Variants in DAAM1 observed in about 807,000 individuals in gnomAD.
The protein encoded by DAAM1 is disheveled-associated activator of morphogenesis 1.
A neutral mutation model predicts 130.0 loss-of-function variants in DAAM1; 52 were observed. That is an observed-to-expected ratio of 0.40 (90% confidence interval 0.32 to 0.50). The LOEUF (loss-of-function observed/expected upper bound fraction) is 0.50. DAAM1 is among the 20% of genes least tolerant of loss of function. The pLI is 0.61. For missense variants in DAAM1, 1,134 were observed against 1,303.8 expected (o/e 0.87, Z 2.01); for synonymous variants, 452 against 444.5 (o/e 1.02, Z -0.21).
At chr14:59,211,951 A>C (rs191039489) in intron 1 of DAAM1, among the ~76,000 whole-genome samples, 1 of 152,318 alleles carries the variant, frequency 6.6e-6, no homozygotes, top group African/African-American at 2.4e-5. Flanking sequence ...AATTTTAAGA[A>C]ATATAAAACA....
chr14:59,263,429 C>T lies in DAAM1; in HGVS notation c.-37-12C>T. 1 of 1,606,618 alleles carries T rather than the reference C, an allele frequency of 6.2e-7. No individual in the cohort carries two copies. The highest frequency in any genetic ancestry group is 1.7e-4 in the Middle Eastern group (1 of 6,048). On this transcript the variant is annotated splice_polypyrimidine_tract_variant and intron_variant, in intron 1 of 24. Transcript: ENST00000360909. ...CCTGTACTCTTAACCATGTCATATC[C>T]TCTTTTTGCAGCGTTTAGTCACATC... is the stretch of plus-strand genomic sequence containing the variant.
intron 2 of DAAM1, among the ~76,000 whole-genome samples, chr14:59,284,851 A>C (rs997549623): frequency 2.0e-5 from 3 of 152,282 alleles, no homozygotes; most frequent in Middle Eastern, 3.4e-3. Flanking sequence ...CATTTCAGAA[A>C]GAAAAGAGAG....
chr14:59,195,780 C>T (rs1238025510), intron 1 of DAAM1, among the ~76,000 whole-genome samples: 1 of 152,082 alleles, frequency 6.6e-6, no homozygotes, highest in African/African-American at 2.4e-5. Context: ...TTGGCTAGCT[C>T]AGTTTGTTAG....
intron 3 of DAAM1, among the ~76,000 whole-genome samples, chr14:59,298,100 G>A (rs563214743): frequency 3.3e-5 from 5 of 152,196 alleles, no homozygotes; most frequent in Non-Finnish European, 7.4e-5. Context: ...AAATAAAATT[G>A]TTCTGTTTAA....
Position 59,330,531 on chromosome 14 carries a change from A to G in DAAM1, c.1403A>G (p.Lys468Arg), listed in dbSNP as rs1370462045. The change falls in exon 13 of 25, where the codon AAG (lysine) becomes AGG (arginine). Residue 468 changes from lysine to arginine, a missense_variant. By Grantham distance (26) the Lys-to-Arg change is conservative. Around this residue, in one of 3 missense-constraint regions of DAAM1, gnomAD observed 391 missense variants for 521.6 expected, o/e 0.75. Transcript: ENST00000360909. Reference sequence around the variant, plus strand: ...AATGAGCTACAACAGAAACTGGAAAAGAAAGAACGAGAATGTGATGCTAAG... The same window carrying G: ...AATGAGCTACAACAGAAACTGGAAAGGAAAGAACGAGAATGTGATGCTAAG... Reference protein sequence around the residue: ...EHNELQQKLEKKERECDAKTQ... With the variant: ...EHNELQQKLERKERECDAKTQ... 1.9e-6 allele frequency: 3 copies of G among 1,612,058 alleles called. No individual in the cohort carries two copies. In the East Asian group the frequency reaches 6.7e-5, roughly 36 times the overall value.
chr14:59,327,551 G>C (rs1885261807), intron 12 of DAAM1, among the ~76,000 whole-genome samples: 1 of 151,854 alleles, frequency 6.6e-6, no homozygotes, highest in Admixed American at 6.6e-5. Context: ...GGGACTACCG[G>C]CGCCCGCCAT....
intron 1 of DAAM1, among the ~76,000 whole-genome samples, chr14:59,194,922 A>T (rs985877959): frequency 2.0e-5 from 3 of 152,238 alleles, no homozygotes; most frequent in Admixed American, 1.3e-4. Context: ...CTTTTGGCTT[A>T]AAACTAGATA....
chr14:59,199,047 T>G (rs760950507), intron 1 of DAAM1, among the ~76,000 whole-genome samples: 2 of 152,164 alleles, frequency 1.3e-5, no homozygotes. Context: ...TGGAGATCGG[T>G]GAGGGAGAAC....
At chr14:59,352,438 C>A in intron 17 of DAAM1, 88 bp from the exon 18 acceptor site, 1 of 961,216 alleles carries the variant, frequency 1.0e-6, no homozygotes. Flanking sequence ...AACATTTTAT[C>A]TTGGGACAGA....
chr14:59,363,532 G>GT, intron 22 of DAAM1, 119 bp from the exon 23 acceptor site: 1 of 1,425,348 alleles, frequency 7.0e-7, no homozygotes. Context: ...TTTAGAACAA[G>GT]TTTTGATGTG....
intron 1 of DAAM1, among the ~76,000 whole-genome samples, chr14:59,229,260 A>G (rs1005113990): frequency 1.3e-5 from 2 of 152,120 alleles, no homozygotes; most frequent in African/African-American, 4.8e-5. Context: ...GTTAGAGGAG[A>G]TCTTCCTTGA....
chr14:59,259,208 C>T (rs1341475144), intron 1 of DAAM1, among the ~76,000 whole-genome samples: 2 of 152,126 alleles, frequency 1.3e-5, no homozygotes, highest in Non-Finnish European at 2.9e-5. Flanking sequence ...CACTAAGTGA[C>T]ATGTGCCATG....
At chr14:59,261,056 G>C (rs1882137864) in intron 1 of DAAM1, among the ~76,000 whole-genome samples, 1 of 152,196 alleles carries the variant, frequency 6.6e-6, no homozygotes, top group South Asian at 2.1e-4. Context: ...TTTTTCAGCA[G>C]GGATATGAGA....
At chr14:59,256,173 TG>T (rs1183042594) in intron 1 of DAAM1, among the ~76,000 whole-genome samples, 1 of 152,258 alleles carries the variant, frequency 6.6e-6, no homozygotes, top group Non-Finnish European at 1.5e-5. Flanking sequence ...TATTAAATAC[TG>T]ATTGTGTCTT....
At chr14:59,330,966 G>A (rs1234405977) in intron 13 of DAAM1, among the ~76,000 whole-genome samples, 1 of 152,150 alleles carries the variant, frequency 6.6e-6, no homozygotes, top group African/African-American at 2.4e-5. Context: ...CTGTGATGGT[G>A]CAAGAAGTGA....
rs1292236333 is a variant in DAAM1 at position 59,355,350 on chromosome 14, C to A, written c.2525+17C>A. On this transcript the variant is annotated intron_variant, in intron 20 of 24. Transcript: ENST00000360909. ...CATCGACAAGTAAGTATGAGATCTT[C>A]CAACACTTGGGGGAGCCAGGTGTGT... 2 of 1,612,862 alleles carry A rather than the reference C, an allele frequency of 1.2e-6. No individual in the cohort carries two copies. The highest frequency in any genetic ancestry group is 2.7e-5 in the African/African-American group (2 of 74,814).
intron 22 of DAAM1, chr14:59,362,403 AT>A (rs1177257544): frequency 2.6e-5 from 4 of 152,198 alleles, no homozygotes; most frequent in Non-Finnish European, 5.9e-5. Flanking sequence ...CTTTACACAA[AT>A]TAATTATATT....
chr14:59,255,211 G>A (rs1881823650), intron 1 of DAAM1, among the ~76,000 whole-genome samples: 1 of 152,232 alleles, frequency 6.6e-6, no homozygotes, highest in Admixed American at 6.5e-5. Flanking sequence ...ACTCCAAGAA[G>A]TGCCCTATTA....
At chr14:59,331,983 T>C (rs1594829759) in intron 15 of DAAM1, 63 bp downstream of exon 15, 2 of 1,412,782 alleles carry the variant, frequency 1.4e-6, no homozygotes, top group African/African-American at 1.4e-5. Flanking sequence ...GCATGATCTC[T>C]GGCCCATCAG....
Sources: allele counts gnomAD v4.1 joint callset (sites outside exome capture counted in the v4.1 genomes callset), GRCh38; gene constraint gnomAD v4.1.1; regional missense constraint gnomAD v4.1.1; transcripts MANE v1.5; gene names NCBI Gene and HGNC (gene_info 2026-07-23, HGNC 2026-07-21).